The following ASTN1 variants were observed in gnomAD, a reference collection of about 807,000 sequenced individuals.
ASTN1 encodes astrotactin 1, also known as astrotactin-1.
A neutral mutation model predicts 140.7 loss-of-function variants in ASTN1; 41 were observed. The observed-to-expected ratio is 0.29, with a 90% CI of 0.23 to 0.38. ASTN1 has a LOEUF of 0.38. ASTN1 is among the 10% of genes least tolerant of loss of function. The probability of loss-of-function intolerance (pLI) is 1.00; values close to 1 mark genes in which losing one functional copy is unlikely to be tolerated. For synonymous variants in ASTN1, 640 were observed against 652.2 expected (o/e 0.98, Z 0.29); for missense variants, 1,479 against 1,678.8 (o/e 0.88, Z 2.08).
intron 17 of ASTN1, among the ~76,000 whole-genome samples, chr1:176,893,265 T>G (rs1324275434): frequency 6.6e-6 from 1 of 152,066 alleles, no homozygotes; most frequent in Non-Finnish European, 1.5e-5. Flanking sequence ...GCAGCAGCCT[T>G]GAGACAAAGA....
chr1:177,164,315 G>A, intron 1 of ASTN1, 79 bp downstream of exon 1: 1 of 1,399,268 alleles, frequency 7.1e-7, no homozygotes. Flanking sequence ...CGGCGAGTGG[G>A]TGTGTAGAGC....
rs771915128 is a variant in ASTN1 at position 176,925,982 on chromosome 1, AT to A, written c.2671+8169del. Among the ~76,000 whole-genome samples the A allele has an allele frequency of 5.4e-3, 818 of 151,522 alleles. 5 individuals are homozygous for A. The highest frequency in any genetic ancestry group is 0.019 in the African/African-American group (777 of 41,304). ...CACCACGCCCAGCTAATTTTTTTGT[AT>A]TTTTTAGTAGAGACGGGGTTTCACC... On this transcript the variant is annotated intron_variant, in intron 16 of 22. Transcript: ENST00000361833.
chr1:177,029,800 A>G (rs748698485), intron 4 of ASTN1, 59 bp from the exon 5 acceptor site: 27 of 1,464,370 alleles, frequency 1.8e-5, no homozygotes, highest in Non-Finnish European at 2.3e-5. Context: ...ATGACACCAA[A>G]CCTTTGGGCA....
chr1:177,058,168 C>T (rs1677902608), intron 2 of ASTN1, among the ~76,000 whole-genome samples: 1 of 152,148 alleles, frequency 6.6e-6, no homozygotes. Flanking sequence ...CTAACCAAAC[C>T]ATCTTTGACA....
intron 14 of ASTN1, among the ~76,000 whole-genome samples, chr1:176,940,054 C>T (rs546379528): frequency 1.3e-5 from 2 of 152,264 alleles, no homozygotes; most frequent in East Asian, 3.9e-4. Flanking sequence ...AGGTCTAAAC[C>T]TTCACACAGA....
rs139372277 is a variant in ASTN1 at position 176,875,787 on chromosome 1, A to C, written c.3463+750T>G. ...CAAATGCTATCCGTTCAATACTACC[A>C]CATTAGTGGTTGATAAGATTACTTA... On this transcript the variant is annotated intron_variant, in intron 21 of 22. Coordinates refer to ENST00000361833, the MANE Select transcript of ASTN1 (RefSeq NM_004319.3). 2.7e-3 allele frequency among the ~76,000 whole-genome samples: 415 copies of C among 152,298 alleles called. 4 individuals are homozygous for C. Among genetic ancestry groups the C allele is most frequent in the South Asian group, 7.5e-3 (36 of 4,826 alleles).
At position 176,882,850 on chromosome 1, in the gene ASTN1, G is replaced by A. The variant is rs769589712; in HGVS notation, c.3362+9C>T. The stretch of plus-strand genomic sequence containing the variant: ...GTAAGAAGTCACTAGGTAGGTGTGT[G>A]TTACTCACATGTAAATGGTGTCAGG... On this transcript the variant is annotated intron_variant, in intron 20 of 22. Transcript: ENST00000361833. The A allele has an allele frequency of 6.2e-7, 1 of 1,614,092 alleles. No individual in the cohort carries two copies. Among genetic ancestry groups the A allele is most frequent in the East Asian group, 2.2e-5 (1 of 44,854 alleles).
Position 176,863,751 on chromosome 1 carries a change from A to T in ASTN1, c.*533T>A, listed in dbSNP as rs1211090663. 5.1e-6 allele frequency: 5 copies of T among 987,028 alleles called. No individual in the cohort carries two copies. The highest frequency in any genetic ancestry group is 6.0e-6 in the Non-Finnish European group (5 of 831,008). The allele number at this position is 987,028 out of a possible 1,614,324, so 61.1% of individuals were successfully genotyped here. ...GGAAGAAAACCAGGAGACACAGACA[A>T]GGGCCACCTTCCTCAATTTTCTATT... On this transcript the variant is annotated 3_prime_UTR_variant, in exon 23 of 23. Transcript: ENST00000361833.
At chr1:177,034,547 C>G (rs1006385469) in intron 2 of ASTN1, among the ~76,000 whole-genome samples, 1 of 152,158 alleles carries the variant, frequency 6.6e-6, no homozygotes, top group Non-Finnish European at 1.5e-5. Flanking sequence ...GCCACCTCCA[C>G]TCCCATCCAT....
chr1:176,972,269 G>A (rs1673170264), intron 8 of ASTN1, among the ~76,000 whole-genome samples: 2 of 152,066 alleles, frequency 1.3e-5, no homozygotes, highest in African/African-American at 2.4e-5. Flanking sequence ...ATGGTGCCTC[G>A]AGTTATTACA....
chr1:176,861,117 T>C lies in ASTN1; in HGVS notation c.*3167A>G. ...ATTCAGTTAATTATTTCATCTTTTA[T>C]AATCATACAATAATTCTCTTTTAAA... On this transcript the variant is annotated 3_prime_UTR_variant, in exon 23 of 23. Transcript: ENST00000361833. The C allele has an allele frequency of 1.1e-6, 1 of 946,398 alleles. No homozygotes were observed. Among genetic ancestry groups the C allele is most frequent in the Non-Finnish European group, 1.3e-6 (1 of 794,396 alleles). 58.6% of individuals were successfully genotyped at this position (946,398 alleles called of 1,614,324 possible).
intron 1 of ASTN1, among the ~76,000 whole-genome samples, chr1:177,094,081 T>C (rs1033062170): frequency 2.0e-5 from 3 of 152,220 alleles, no homozygotes; most frequent in Admixed American, 6.5e-5. Flanking sequence ...TTAGTGCTGC[T>C]TTTATATTAA....
intron 8 of ASTN1, among the ~76,000 whole-genome samples, chr1:177,005,339 G>A (rs569391236): frequency 1.6e-4 from 24 of 152,266 alleles, no homozygotes; most frequent in African/African-American, 5.8e-4. Flanking sequence ...ATGTTGGCAT[G>A]GATGTGGTGA....
intron 16 of ASTN1, among the ~76,000 whole-genome samples, chr1:176,897,144 G>C (rs913156294): frequency 1.3e-5 from 2 of 151,676 alleles, no homozygotes; most frequent in African/African-American, 2.4e-5. Flanking sequence ...GCATGGTGGC[G>C]CACGCCTGTA....
chr1:176,883,738 G>A (rs1174511378), intron 19 of ASTN1, among the ~76,000 whole-genome samples: 1 of 152,190 alleles, frequency 6.6e-6, no homozygotes, highest in Non-Finnish European at 1.5e-5. Context: ...CACATCCCAT[G>A]CATAAGTTTT....
chr1:176,909,131 G>A (rs1231130676), intron 16 of ASTN1, among the ~76,000 whole-genome samples: 1 of 152,236 alleles, frequency 6.6e-6, no homozygotes, highest in East Asian at 1.9e-4. Context: ...ACAGCATCGA[G>A]TTGGGTGCCT....
intron 16 of ASTN1, among the ~76,000 whole-genome samples, chr1:176,928,761 G>A (rs1671079162): frequency 6.6e-6 from 1 of 152,158 alleles, no homozygotes; most frequent in African/African-American, 2.4e-5. Flanking sequence ...TTAAGGTCTA[G>A]CAATTTATAG....
intron 2 of ASTN1, among the ~76,000 whole-genome samples, chr1:177,045,339 A>G (rs541255373): frequency 6.6e-6 from 1 of 152,330 alleles, no homozygotes; most frequent in Admixed American, 6.5e-5. Flanking sequence ...CACTCAGTGA[A>G]TGCTACATGG....
chr1:177,154,575 AAGAGTAAGT>A (rs1683165478), intron 1 of ASTN1, among the ~76,000 whole-genome samples: 1 of 152,180 alleles, frequency 6.6e-6, no homozygotes, highest in Admixed American at 6.5e-5. Context: ...GCTGAGTGAA[AAGAGTAAGT>A]ATCAGAATAA....
Sources: allele counts gnomAD v4.1 joint callset (sites outside exome capture counted in the v4.1 genomes callset), GRCh38; gene constraint gnomAD v4.1.1; transcripts MANE v1.5; gene names NCBI Gene and HGNC (gene_info 2026-07-23, HGNC 2026-07-21).